Variants in ZNF385D observed in about 807,000 individuals in gnomAD.
The protein encoded by ZNF385D is zinc finger protein 659.
A neutral mutation model predicts 35.8 loss-of-function variants in ZNF385D; 15 were observed. That is an observed-to-expected ratio of 0.42 (90% CI 0.28 to 0.64). The LOEUF is 0.64. ZNF385D is among the 30% of genes least tolerant of loss of function. The pLI, the probability that ZNF385D is intolerant of heterozygous loss-of-function variation, is 0.23. For missense variants in ZNF385D, 474 were observed against 494.6 expected (o/e 0.96, Z 0.39); for synonymous variants, 212 against 186.8 (o/e 1.13, Z -1.10).
chr3:21,996,869 G>T (rs1161531016), intron 3 of ZNF385D, among the ~76,000 whole-genome samples: 3 of 152,106 alleles, frequency 2.0e-5, no homozygotes, highest in Non-Finnish European at 4.4e-5. Context: ...TTAATTTATT[G>T]CTTCTCTGCC....
chr3:21,587,938 T>C (rs2063858792), intron 2 of ZNF385D, among the ~76,000 whole-genome samples: 1 of 152,026 alleles, frequency 6.6e-6, no homozygotes, highest in South Asian at 2.1e-4. Context: ...TTTTTGAAGG[T>C]TTTTAAAAAG....
chr3:21,673,416 G>A (rs1028320705), intron 1 of ZNF385D, among the ~76,000 whole-genome samples: 1 of 152,086 alleles, frequency 6.6e-6, no homozygotes, highest in Non-Finnish European at 1.5e-5. Flanking sequence ...ATGTTCTCAA[G>A]CAGCAAATAA....
intron 3 of ZNF385D, among the ~76,000 whole-genome samples, chr3:22,164,045 A>C (rs191428356): frequency 3.0e-4 from 45 of 152,286 alleles, no homozygotes; most frequent in African/African-American, 1.0e-3. Context: ...ATAAGCCTGC[A>C]AAGGCACATT....
chr3:22,315,392 C>T (rs1239306003), intron 2 of ZNF385D, among the ~76,000 whole-genome samples: 4 of 152,124 alleles, frequency 2.6e-5, no homozygotes, highest in African/African-American at 7.2e-5. Context: ...AATAGGTAGA[C>T]GCTGACCTAC....
At chr3:21,928,294 G>A (rs1408551478) in intron 3 of ZNF385D, among the ~76,000 whole-genome samples, 1 of 145,006 alleles carries the variant, frequency 6.9e-6, no homozygotes, top group East Asian at 2.1e-4. Flanking sequence ...AGGAAGGAAG[G>A]AGGGAGGAAG....
intron 3 of ZNF385D, among the ~76,000 whole-genome samples, chr3:21,982,822 TTTTTTGCA>T (rs2125374347): frequency 6.6e-6 from 1 of 151,830 alleles, no homozygotes; most frequent in South Asian, 2.1e-4. Context: ...GAAAGCCTTT[TTTTTTGCA>T]TCTATTGAGA....
intron 3 of ZNF385D, among the ~76,000 whole-genome samples, chr3:21,993,548 G>T (rs1484572738): frequency 6.6e-6 from 1 of 152,096 alleles, no homozygotes; most frequent in African/African-American, 2.4e-5. Context: ...TTCACTGTTT[G>T]ATTAAACTAT....
At chr3:22,316,694 A>T (rs1196539586) in intron 2 of ZNF385D, among the ~76,000 whole-genome samples, 1 of 152,160 alleles carries the variant, frequency 6.6e-6, no homozygotes, top group Non-Finnish European at 1.5e-5. Flanking sequence ...TAATAATAGT[A>T]TTTACCATAC....
intron 2 of ZNF385D, among the ~76,000 whole-genome samples, chr3:22,312,261 T>C (rs1703602727): frequency 6.6e-6 from 1 of 152,190 alleles, no homozygotes; most frequent in African/African-American, 2.4e-5. Flanking sequence ...CACAGTAATC[T>C]GTGAGTAAAA....
At chr3:21,608,313 A>T (rs2064558932) in intron 2 of ZNF385D, among the ~76,000 whole-genome samples, 1 of 151,876 alleles carries the variant, frequency 6.6e-6, no homozygotes. Context: ...CCAGCCCTAA[A>T]TTTTTTTCTG....
At chr3:21,474,882 A>G (rs1407901774) in intron 4 of ZNF385D, among the ~76,000 whole-genome samples, 1 of 152,076 alleles carries the variant, frequency 6.6e-6, no homozygotes, top group Non-Finnish European at 1.5e-5. Flanking sequence ...ATAGCTTTAT[A>G]TTTTAATTAG....
chr3:22,136,903 A>G (rs1224984159), intron 3 of ZNF385D, among the ~76,000 whole-genome samples: 1 of 152,176 alleles, frequency 6.6e-6, no homozygotes, highest in African/African-American at 2.4e-5. Context: ...AAATCGGTAA[A>G]AAGATGAAGG....
chr3:21,807,556 T>C lies in ZNF385D; in HGVS notation c.326-142528A>G, dbSNP rs550988247. On this transcript the variant is annotated intron_variant, in intron 3 of 5. Transcript: ENST00000494108. ...TTTTATTTTCAGCTTATTAAAAATATTGTTGAACTAAGAAATACAATAGTG... is the reference window on the plus strand; with the variant it reads ...TTTTATTTTCAGCTTATTAAAAATACTGTTGAACTAAGAAATACAATAGTG... Among the ~76,000 whole-genome samples the C allele has an allele frequency of 1.6e-4, 25 of 152,288 alleles. No individual in the cohort carries two copies. In the South Asian group the frequency reaches 3.3e-3, roughly 20 times the overall value.
At chr3:22,185,269 G>C (rs1413518127) in intron 2 of ZNF385D, among the ~76,000 whole-genome samples, 2 of 152,140 alleles carry the variant, frequency 1.3e-5, no homozygotes, top group African/African-American at 2.4e-5. Context: ...CAAATTAAAT[G>C]GCATAATAGG....
chr3:21,889,735 C>T (rs1046485340), intron 3 of ZNF385D, among the ~76,000 whole-genome samples: 1 of 152,088 alleles, frequency 6.6e-6, no homozygotes, highest in African/African-American at 2.4e-5. Context: ...CAAGGGCTGC[C>T]ATGACAAAGT....
chr3:22,193,154 G>A (rs531952166), intron 2 of ZNF385D, among the ~76,000 whole-genome samples: 1 of 152,178 alleles, frequency 6.6e-6, no homozygotes, highest in South Asian at 2.1e-4. Context: ...TCCTTCTTAT[G>A]AATAGTTTAT....
intron 3 of ZNF385D, among the ~76,000 whole-genome samples, chr3:21,908,070 G>T (rs2125908596): frequency 6.6e-6 from 1 of 151,886 alleles, no homozygotes; most frequent in South Asian, 2.1e-4. Context: ...TAGTAACTAG[G>T]CAAAAAAGTT....
intron 2 of ZNF385D, among the ~76,000 whole-genome samples, chr3:22,249,217 T>C (rs938790642): frequency 5.9e-5 from 9 of 152,148 alleles, no homozygotes; most frequent in African/African-American, 2.2e-4. Flanking sequence ...ATGGCTGCTG[T>C]CTTATACCAC....
At chr3:21,647,017 T>C (rs1205136719) in intron 2 of ZNF385D, among the ~76,000 whole-genome samples, 9 of 152,202 alleles carry the variant, frequency 5.9e-5, no homozygotes, top group Non-Finnish European at 2.9e-5. Context: ...AGTTTCTTGC[T>C]GATAAACAAA....
Sources: allele counts gnomAD v4.1 joint callset (sites outside exome capture counted in the v4.1 genomes callset), GRCh38; gene constraint gnomAD v4.1.1; transcripts MANE v1.5; gene names NCBI Gene and HGNC (gene_info 2026-07-23, HGNC 2026-07-21).